SUMF1: variants seen among roughly 807,000 people sequenced by gnomAD.
SUMF1 encodes sulfatase modifying factor 1.
SUMF1 carries 48 observed loss-of-function variants against 47.6 expected under a neutral mutation model. The observed-to-expected ratio is 1.01, with a 90% confidence interval of 0.80 to 1.28. SUMF1 has a LOEUF of 1.28. SUMF1 is among the 50% of genes most tolerant of loss of function. The pLI is 0.00. For synonymous variants in SUMF1, 230 were observed against 192.1 expected, an observed-to-expected ratio of 1.20 and a Z score of -1.63; for missense variants, 571 against 485.4, an observed-to-expected ratio of 1.18 and a Z score of -1.66.
At chr3:4,037,773 C>G (rs1694825410) in intron 9 of SUMF1, among the ~76,000 whole-genome samples, 1 of 152,176 alleles carries the variant, frequency 6.6e-6, no homozygotes, top group Non-Finnish European at 1.5e-5. Flanking sequence ...TCTTTCTCAT[C>G]TCTACATGTG....
At position 4,081,215 on chromosome 3, in the gene SUMF1, C is replaced by G. The variant is rs150848938; in HGVS notation, c.1015-12470G>C. The stretch of plus-strand genomic sequence containing the variant: ...TCACTGAGCAGGTCAGGACAGGACA[C>G]TACTTAGTAGCAAAGCCAGGACCAG... On this transcript the variant is annotated intron_variant and NMD_transcript_variant, in intron 8 of 12. Coordinates refer to the SUMF1 transcript ENST00000448413. 8.5e-5 allele frequency among the ~76,000 whole-genome samples: 13 copies of G among 152,224 alleles called. No homozygotes were observed. In the East Asian group the frequency reaches 2.5e-3, roughly 29 times the overall value.
chr3:4,326,133 C>T (rs977178874), intron 8 of SUMF1, among the ~76,000 whole-genome samples: 1 of 152,178 alleles, frequency 6.6e-6, no homozygotes, highest in African/African-American at 2.4e-5. Context: ...TCTTTTGAAA[C>T]ATAACTTTTT....
At chr3:4,202,385 G>A (rs1420473097) in intron 8 of SUMF1, among the ~76,000 whole-genome samples, 1 of 151,810 alleles carries the variant, frequency 6.6e-6, no homozygotes, top group Non-Finnish European at 1.5e-5. Flanking sequence ...GTATGTTCTT[G>A]GCACCTCTGT....
chr3:4,076,828 T>C (rs1008470799), intron 8 of SUMF1, among the ~76,000 whole-genome samples: 3 of 151,986 alleles, frequency 2.0e-5, no homozygotes, highest in Non-Finnish European at 4.4e-5. Context: ...TGAAACCCCA[T>C]CTCTGCTTAA....
At chr3:4,232,595 C>T (rs1242812) in intron 8 of SUMF1, among the ~76,000 whole-genome samples, 3 of 151,260 alleles carry the variant, frequency 2.0e-5, no homozygotes, top group Non-Finnish European at 3.0e-5. Flanking sequence ...GCTTGCTTGC[C>T]GCCAAAAGAA....
chr3:4,074,488 T>A (rs1375517884), intron 8 of SUMF1, among the ~76,000 whole-genome samples: 1 of 151,552 alleles, frequency 6.6e-6, no homozygotes, highest in Non-Finnish European at 1.5e-5. Flanking sequence ...ATAACTAAGC[T>A]CAGAGCAGGA....
intron 8 of SUMF1, among the ~76,000 whole-genome samples, chr3:4,224,862 GTCCTGAT>G (rs1342199905): frequency 2.0e-5 from 3 of 152,116 alleles, no homozygotes; most frequent in Non-Finnish European, 4.4e-5. Flanking sequence ...GTGAAGTTGT[GTCCTGAT>G]TCTCAAGTCC....
chr3:4,084,291 G>C (rs1036510269), intron 8 of SUMF1, among the ~76,000 whole-genome samples: 5 of 152,112 alleles, frequency 3.3e-5, no homozygotes, highest in African/African-American at 7.2e-5. Context: ...GGACCCAATA[G>C]ATTGACTATA....
chr3:4,309,938 G>A (rs1287226437), intron 8 of SUMF1, among the ~76,000 whole-genome samples: 1 of 152,170 alleles, frequency 6.6e-6, no homozygotes, highest in Non-Finnish European at 1.5e-5. Context: ...GTCATAGAGT[G>A]CACAGTACTT....
intron 8 of SUMF1, among the ~76,000 whole-genome samples, chr3:4,113,403 C>T (rs996085133): frequency 1.3e-5 from 2 of 151,946 alleles, no homozygotes; most frequent in Non-Finnish European, 2.9e-5. Flanking sequence ...GTGGCTTGCA[C>T]CTGTAGTCCC....
chr3:4,456,732 G>C (rs1462545427), intron 1 of SUMF1, among the ~76,000 whole-genome samples: 1 of 89,290 alleles, frequency 1.1e-5, no homozygotes. Flanking sequence ...ATATACGTGT[G>C]TATATATACA....
At chr3:4,434,284 T>C (rs575461945) in intron 3 of SUMF1, among the ~76,000 whole-genome samples, 27 of 152,240 alleles carry the variant, frequency 1.8e-4, no homozygotes, top group Non-Finnish European at 3.2e-4. Context: ...ATGTTATGTA[T>C]AGTGTACCAT....
chr3:4,048,333 C>G (rs1363977298), intron 9 of SUMF1, among the ~76,000 whole-genome samples: 3 of 152,100 alleles, frequency 2.0e-5, no homozygotes, highest in Non-Finnish European at 4.4e-5. Flanking sequence ...CAGGCACTGC[C>G]ACAGTCAAAA....
At chr3:4,085,430 C>A (rs537267898) in intron 8 of SUMF1, among the ~76,000 whole-genome samples, 2 of 152,152 alleles carry the variant, frequency 1.3e-5, no homozygotes, top group African/African-American at 4.8e-5. Flanking sequence ...GATGATCTTT[C>A]TTCATCTTTA....
intron 8 of SUMF1, among the ~76,000 whole-genome samples, chr3:4,324,220 T>TAA (rs57815089): frequency 6.7e-6 from 1 of 150,012 alleles, no homozygotes; most frequent in African/African-American, 2.4e-5. Context: ...TGAAATTAAT[T>TAA]AAAAAAAAAA....
At chr3:4,303,075 G>A (rs891020326) in intron 8 of SUMF1, among the ~76,000 whole-genome samples, 7 of 152,130 alleles carry the variant, frequency 4.6e-5, no homozygotes, top group South Asian at 2.1e-4. Context: ...CAAAAACCTG[G>A]ACAAATGACC....
At chr3:4,370,781 A>G (rs143601180) in intron 8 of SUMF1, among the ~76,000 whole-genome samples, 3,951 of 152,272 alleles carry the variant, frequency 0.026, 164 homozygotes, top group African/African-American at 0.089. Context: ...TCTTATTTTC[A>G]TTTTGATCTT....
intron 8 of SUMF1, among the ~76,000 whole-genome samples, chr3:4,363,977 A>T (rs1441193737): frequency 7.0e-6 from 1 of 142,586 alleles, no homozygotes; most frequent in African/African-American, 2.6e-5. Context: ...ATCTATTGAG[A>T]TAATCATGTG....
At chr3:4,321,651 TATAA>T (rs768444977) in intron 8 of SUMF1, among the ~76,000 whole-genome samples, 1 of 152,138 alleles carries the variant, frequency 6.6e-6, no homozygotes, top group African/African-American at 2.4e-5. Flanking sequence ...TCCATACTGA[TATAA>T]ATAAATGATT....
Sources: gnomAD v4.1 joint callset for allele counts (sites outside exome capture counted in the v4.1 genomes callset) on GRCh38, gnomAD v4.1.1 for gene constraint, MANE v1.5 for transcripts, NCBI Gene and HGNC (gene_info 2026-07-23, HGNC 2026-07-21) for gene names.